Variants in ITGA9 observed in about 807,000 individuals in gnomAD.
ITGA9 encodes integrin subunit alpha 9.
ITGA9 carries 56 observed loss-of-function variants against 127.8 expected under a neutral mutation model. That is an observed-to-expected ratio of 0.44 (90% CI 0.35 to 0.55). The LOEUF (loss-of-function observed/expected upper bound fraction) is 0.55, where lower values mean the gene tolerates loss of function less well. Ranked by LOEUF, ITGA9 falls within the 20% of genes least tolerant of loss-of-function variation. The pLI is 0.00. For missense variants in ITGA9, 1,196 were observed against 1,347.1 expected (o/e 0.89, Z 1.76); for synonymous variants, 508 against 514.5 (o/e 0.99, Z 0.17).
intron 3 of ITGA9, among the ~76,000 whole-genome samples, chr3:37,479,950 G>A (rs1360147978): frequency 6.6e-6 from 1 of 152,146 alleles, no homozygotes; most frequent in Non-Finnish European, 1.5e-5. Flanking sequence ...TATCACTTAC[G>A]AAAACAATGC....
intron 17 of ITGA9, among the ~76,000 whole-genome samples, chr3:37,656,360 T>A (rs1257760969): frequency 6.6e-6 from 1 of 152,238 alleles, no homozygotes; most frequent in East Asian, 1.9e-4. Flanking sequence ...GTGTCCTCCC[T>A]TATTTCCTTG....
In ITGA9 at chr3:37,683,965, G is replaced by A. The variant is rs145286488; in HGVS notation, c.2017G>A (p.Val673Met). Residue 673 changes from valine (V) to methionine (M), a missense_variant, in exon 18 of 28, where the codon GTG becomes ATG. Val to Met is a conservative substitution (Grantham distance 21). Coordinates refer to ENST00000264741, the MANE Select transcript of ITGA9 (RefSeq NM_002207.3). ...CGGAGATGATGCCTATGATGCCAACGTGTCCTTCAATGTTTCCCGGGAGCT... is the reference window on the plus strand; with the variant it reads ...CGGAGATGATGCCTATGATGCCAACATGTCCTTCAATGTTTCCCGGGAGCT... The part of the protein sequence containing the change: ...NLGDDAYDAN[V>M]SFNVSRELFF... The A allele has an allele frequency of 1.1e-5, 18 of 1,614,004 alleles. No homozygotes were observed. The highest frequency in any genetic ancestry group is 2.7e-5 in the African/African-American group (2 of 75,018).
intron 14 of ITGA9, among the ~76,000 whole-genome samples, chr3:37,538,470 A>C (rs1442481573): frequency 6.6e-6 from 1 of 152,210 alleles, no homozygotes; most frequent in Non-Finnish European, 1.5e-5. Context: ...AAAAACCTAA[A>C]GATGTGAAAT....
intron 27 of ITGA9, among the ~76,000 whole-genome samples, chr3:37,804,457 C>T (rs1431003023): frequency 6.6e-6 from 1 of 152,160 alleles, no homozygotes; most frequent in Non-Finnish European, 1.5e-5. Flanking sequence ...GCAGACCTGT[C>T]CTGCCTCAAG....
rs756829084 is a variant in ITGA9 at position 37,533,472 on chromosome 3, A to C, written c.1528+4A>C. 82 of 1,613,872 alleles carry C rather than the reference A, an allele frequency of 5.1e-5. No individual in the cohort carries two copies. The highest frequency in any genetic ancestry group is 6.6e-5 in the Non-Finnish European group (78 of 1,179,980). Reference sequence around the variant, plus strand: ...AAACACGTTCCAGGAGAGATTGGTAATGAGCCACCAAGTCAGGGCTCAGGA... The same window carrying C: ...AAACACGTTCCAGGAGAGATTGGTACTGAGCCACCAAGTCAGGGCTCAGGA... On this transcript the variant is annotated splice_donor_region_variant and intron_variant, in intron 14 of 27. Coordinates refer to ENST00000264741, the MANE Select transcript of ITGA9 (RefSeq NM_002207.3).
chr3:37,580,991 G>C (rs1699703980), intron 15 of ITGA9, among the ~76,000 whole-genome samples: 1 of 152,204 alleles, frequency 6.6e-6, no homozygotes, highest in African/African-American at 2.4e-5. Flanking sequence ...TTGTTAGGAA[G>C]ATTGAACAAA....
chr3:37,589,815 C>T (rs1486442794), intron 15 of ITGA9, among the ~76,000 whole-genome samples: 1 of 152,150 alleles, frequency 6.6e-6, no homozygotes, highest in Non-Finnish European at 1.5e-5. Flanking sequence ...AGAGGCCTGA[C>T]CGTGTAGGGC....
intron 3 of ITGA9, among the ~76,000 whole-genome samples, chr3:37,479,643 GC>G (rs1385358980): frequency 2.0e-5 from 3 of 152,202 alleles, no homozygotes; most frequent in Admixed American, 6.5e-5. Context: ...GGGACATGTG[GC>G]AGGGGGGCTG....
intron 1 of ITGA9, among the ~76,000 whole-genome samples, chr3:37,464,718 A>G (rs184484646): frequency 7.9e-5 from 12 of 152,294 alleles, no homozygotes; most frequent in Admixed American, 2.0e-4. Flanking sequence ...CTGGCTTAAA[A>G]CCCTAGAAAG....
At chr3:37,537,459 A>G (rs1258850165) in intron 14 of ITGA9, among the ~76,000 whole-genome samples, 9 of 152,202 alleles carry the variant, frequency 5.9e-5, no homozygotes, top group African/African-American at 9.6e-5. Context: ...AGGGTAGAGA[A>G]GGGTGGGTTG....
intron 15 of ITGA9, among the ~76,000 whole-genome samples, chr3:37,566,487 A>G (rs1004382190): frequency 6.6e-6 from 1 of 152,246 alleles, no homozygotes; most frequent in Non-Finnish European, 1.5e-5. Context: ...TACATTATCA[A>G]AAGTAGGAAA....
intron 16 of ITGA9, among the ~76,000 whole-genome samples, chr3:37,639,198 C>CT (rs1700309453): frequency 6.6e-6 from 1 of 152,188 alleles, no homozygotes; most frequent in African/African-American, 2.4e-5. Flanking sequence ...AAAAGACAAC[C>CT]TTTTTTTCAT....
chr3:37,613,782 A>G (rs1247470602), intron 15 of ITGA9, among the ~76,000 whole-genome samples: 2 of 152,126 alleles, frequency 1.3e-5, no homozygotes, highest in Admixed American at 6.5e-5. Context: ...GTGTCTGTTG[A>G]TATCCTTTGC....
chr3:37,572,394 T>C (rs1699610951), intron 15 of ITGA9, among the ~76,000 whole-genome samples: 1 of 152,160 alleles, frequency 6.6e-6, no homozygotes, highest in African/African-American at 2.4e-5. Context: ...GTTAAGAGCA[T>C]GGCCTGGCTT....
At chr3:37,607,223 A>G (rs1575165058) in intron 15 of ITGA9, among the ~76,000 whole-genome samples, 3 of 151,982 alleles carry the variant, frequency 2.0e-5, no homozygotes, top group South Asian at 4.2e-4. Context: ...TGTTTTTGGA[A>G]GGCCTTTGAT....
At chr3:37,500,765 C>A (rs998653487) in intron 5 of ITGA9, among the ~76,000 whole-genome samples, 2 of 152,156 alleles carry the variant, frequency 1.3e-5, no homozygotes, top group Non-Finnish European at 1.5e-5. Context: ...GGAGATCAAC[C>A]TGAAAAGATC....
chr3:37,480,088 G>A (rs1698536396), intron 3 of ITGA9, among the ~76,000 whole-genome samples: 1 of 152,180 alleles, frequency 6.6e-6, no homozygotes, highest in Admixed American at 6.5e-5. Flanking sequence ...CCCAGGAGAA[G>A]TGGAACGGGC....
At chr3:37,508,307 A>AC (rs1698865990) in intron 7 of ITGA9, among the ~76,000 whole-genome samples, 1 of 152,182 alleles carries the variant, frequency 6.6e-6, no homozygotes, top group African/African-American at 2.4e-5. Flanking sequence ...CTTGGGTCTT[A>AC]TTGTGTGTGG....
chr3:37,798,626 G>A (rs771691444), intron 26 of ITGA9, among the ~76,000 whole-genome samples: 7 of 152,182 alleles, frequency 4.6e-5, no homozygotes, highest in East Asian at 1.9e-4. Context: ...ATTAACTTAC[G>A]GAAGGCTGAT....
Sources: gnomAD v4.1 joint callset for allele counts (sites outside exome capture counted in the v4.1 genomes callset) on GRCh38, gnomAD v4.1.1 for gene constraint, MANE v1.5 for transcripts, NCBI Gene and HGNC (gene_info 2026-07-23, HGNC 2026-07-21) for gene names.